GPNMB: variants seen among roughly 807,000 people sequenced by gnomAD.
GPNMB encodes transmembrane glycoprotein NMB.
A neutral mutation model predicts 57.3 loss-of-function variants in GPNMB; 71 were observed. The ratio of observed to expected loss-of-function variants is 1.24; its 90% confidence interval spans 1.02 to 1.51. The LOEUF is 1.51. Ranked by LOEUF, GPNMB falls within the 40% of genes most tolerant of loss-of-function variation. The pLI, the probability that GPNMB is intolerant of heterozygous loss-of-function variation, is 0.00. For synonymous variants in GPNMB, 253 were observed against 263.2 expected (o/e 0.96, Z 0.38); for missense variants, 677 against 691.9 (o/e 0.98, Z 0.24).
chr7:23,273,313 A>C (rs1252790682), intron 9 of GPNMB: 1 of 525,938 alleles, frequency 1.9e-6, no homozygotes, highest in South Asian at 2.5e-5. Context: ...CCCTTACCAC[A>C]GTGTTCCAGA....
intron 6 of GPNMB, among the ~76,000 whole-genome samples, chr7:23,262,210 C>T (rs1041375574): frequency 9.9e-5 from 15 of 152,146 alleles, no homozygotes; most frequent in Admixed American, 1.3e-4. Flanking sequence ...TCACTGATTT[C>T]GATTATCTCA....
In GPNMB at chr7:23,256,929, G is replaced by A. The variant is rs756199110; in HGVS notation, c.405G>A (p.Trp135Ter). 5.0e-6 allele frequency: 8 copies of A among 1,614,164 alleles called. No homozygotes were observed. The highest frequency in any genetic ancestry group is 5.9e-6 in the Non-Finnish European group (7 of 1,179,982). ...GLSADPYVYN[W>*]TAWSEDSDGE... Reference sequence around the variant, plus strand: ...CTGCTGATCCGTATGTTTACAACTGGACAGCATGGTCAGAGGACAGTGACG... The same window carrying A: ...CTGCTGATCCGTATGTTTACAACTGAACAGCATGGTCAGAGGACAGTGACG... The change falls in exon 4 of 11, where the codon TGG (tryptophan) becomes TGA (stop). Residue 135 changes from tryptophan (W) to a stop codon, truncating the protein, a stop_gained. Transcript: ENST00000258733. LOFTEE classifies it high-confidence loss of function.
At chr7:23,266,028 A>C (rs1185246782) in intron 6 of GPNMB, 1 of 156,256 alleles carries the variant, frequency 6.4e-6, no homozygotes, top group Admixed American at 6.2e-5. Flanking sequence ...GGCTCACTGC[A>C]AGCTCCGCCT....
intron 6 of GPNMB, among the ~76,000 whole-genome samples, chr7:23,263,772 G>A (rs1478739524): frequency 6.6e-6 from 1 of 152,094 alleles, no homozygotes; most frequent in African/African-American, 2.4e-5. Flanking sequence ...GAGCGAGGAG[G>A]GACGTTTCTA....
intron 6 of GPNMB, among the ~76,000 whole-genome samples, chr7:23,264,386 T>A (rs1315398108): frequency 1.3e-5 from 2 of 152,078 alleles, no homozygotes; most frequent in African/African-American, 2.4e-5. Context: ...TTTTATTTTT[T>A]TTTTGAGATA....
chr7:23,267,538 T>C (rs936172618), intron 7 of GPNMB, among the ~76,000 whole-genome samples: 2 of 152,226 alleles, frequency 1.3e-5, no homozygotes, highest in African/African-American at 4.8e-5. Flanking sequence ...TTCTAAAGGC[T>C]GGGAAGTCCA....
chr7:23,264,062 C>G (rs2128483806), intron 6 of GPNMB, among the ~76,000 whole-genome samples: 1 of 146,204 alleles, frequency 6.8e-6, no homozygotes, highest in South Asian at 2.2e-4. Context: ...GCTAACAGTG[C>G]TATTATTTGT....
intron 8 of GPNMB, among the ~76,000 whole-genome samples, chr7:23,269,579 G>A (rs879438962): frequency 6.6e-6 from 1 of 152,210 alleles, no homozygotes; most frequent in Non-Finnish European, 1.5e-5. Flanking sequence ...CCTAGGCAGG[G>A]CCAACTATGG....
At chr7:23,262,908 C>T (rs1782965028) in intron 6 of GPNMB, among the ~76,000 whole-genome samples, 2 of 152,162 alleles carry the variant, frequency 1.3e-5, no homozygotes, top group Admixed American at 6.5e-5. Context: ...GCGTGAGGCA[C>T]TGTGCCCGGC....
At chr7:23,251,473 A>C (rs1782660375) in intron 1 of GPNMB, among the ~76,000 whole-genome samples, 1 of 152,252 alleles carries the variant, frequency 6.6e-6, no homozygotes, top group Non-Finnish European at 1.5e-5. Flanking sequence ...CTGTAACAAA[A>C]TAGGTTAAGA....
chr7:23,260,903 T>C, intron 6 of GPNMB, 130 bp downstream of exon 6: 2 of 671,676 alleles, frequency 3.0e-6, no homozygotes, highest in South Asian at 3.8e-5. Flanking sequence ...TTTCTACCTG[T>C]TGATTTTTTA....
rs182307970 is a variant in GPNMB at position 23,254,982 on chromosome 7, C to T, written c.367+670C>T. Among the ~76,000 whole-genome samples, 19 of 152,196 alleles carry T rather than the reference C, an allele frequency of 1.2e-4. No homozygotes were observed. The East Asian group carries it at 3.7e-3, about 30-fold the overall frequency. ...GGTCAGGAGTTCAAGACCATTCTGG[C>T]CAACATGGTGAAACCCCATCTCTAC... On this transcript the variant is annotated intron_variant, in intron 3 of 10. Coordinates refer to ENST00000258733, the MANE Select transcript of GPNMB (RefSeq NM_002510.3).
At chr7:23,259,308 C>T (rs967920200) in intron 4 of GPNMB, among the ~76,000 whole-genome samples, 3 of 152,130 alleles carry the variant, frequency 2.0e-5, no homozygotes, top group Non-Finnish European at 4.4e-5. Context: ...CTCAGCCTCC[C>T]GAGTAGCTTG....
chr7:23,247,551 T>C (rs1311530594), intron 1 of GPNMB, among the ~76,000 whole-genome samples: 1 of 152,220 alleles, frequency 6.6e-6, no homozygotes, highest in East Asian at 1.9e-4. Context: ...AAGTTCCTCT[T>C]GGGATCTGCC....
chr7:23,257,674 A>AAAAC (rs888925837), intron 4 of GPNMB: 6 of 152,458 alleles, frequency 3.9e-5, no homozygotes, highest in African/African-American at 1.4e-4. Context: ...TCCATCTCGA[A>AAAAC]AAACAAACAA....
chr7:23,267,844 G>T (rs758683361), intron 7 of GPNMB, 42 bp from the exon 8 acceptor site: 2 of 1,258,926 alleles, frequency 1.6e-6, no homozygotes, highest in Non-Finnish European at 2.3e-6. Flanking sequence ...TTTGATTTCT[G>T]TTGTATTTTG....
rs778947910 is a variant in GPNMB at position 23,253,361 on chromosome 7, A to T, written c.125A>T (p.Asn42Ile). The change falls in exon 2 of 11, where the codon AAT becomes ATT. Residue 42 changes from asparagine to isoleucine, a missense_variant. Asn to Ile is a moderately radical substitution (Grantham distance 149). Transcript: ENST00000258733. ...CCTTCTGCTTACATGAGGGAGCACA[A>T]TCAATTAAATGGCTGGTCTTCTGAT... The part of the protein sequence containing the change: ...ERPSAYMREH[N>I]QLNGWSSDEN... 6.2e-7 allele frequency: 1 copy of T among 1,613,732 alleles called. No individual in the cohort carries two copies. The highest frequency in any genetic ancestry group is 8.5e-7 in the Non-Finnish European group (1 of 1,179,592).
chr7:23,258,553 T>C (rs1156874804), intron 4 of GPNMB, among the ~76,000 whole-genome samples: 1 of 152,202 alleles, frequency 6.6e-6, no homozygotes, highest in African/African-American at 2.4e-5. Context: ...AACATTCCAA[T>C]AACTTAACCA....
chr7:23,255,810 C>T (rs1240803997), intron 3 of GPNMB, among the ~76,000 whole-genome samples: 2 of 152,140 alleles, frequency 1.3e-5, no homozygotes, highest in Admixed American at 6.5e-5. Flanking sequence ...TTGATACATG[C>T]ATACAATTTA....
Sources: gnomAD v4.1 joint callset for allele counts (sites outside exome capture counted in the v4.1 genomes callset) on GRCh38, gnomAD v4.1.1 for gene constraint, MANE v1.5 for transcripts, NCBI Gene and HGNC (gene_info 2026-07-23, HGNC 2026-07-21) for gene names.